HIVEP3: variants seen among roughly 807,000 people sequenced by gnomAD.
HIVEP3 encodes the protein HIVEP zinc finger 3, also known as transcription factor HIVEP3.
In HIVEP3, 49 loss-of-function variants were observed where a neutral mutation model predicts 152.8. The ratio of observed to expected loss-of-function variants is 0.32; its 90% CI spans 0.26 to 0.41. The LOEUF is 0.41. Among genes scored for constraint, HIVEP3 ranks in the 10% least tolerant of loss-of-function variants. HIVEP3 has a pLI of 1.00. For synonymous variants in HIVEP3, 1,269 were observed against 1,289.0 expected (o/e 0.98, Z 0.33); for missense variants, 2,790 against 3,103.3 (o/e 0.90, Z 2.40).
At chr1:41,833,452 T>C (rs1252000068) in intron 1 of HIVEP3, among the ~76,000 whole-genome samples, 1 of 152,138 alleles carries the variant, frequency 6.6e-6, no homozygotes, top group Non-Finnish European at 1.5e-5. Context: ...AAGAGGTTGA[T>C]ACTGTTCCTA....
chr1:41,646,811 CA>C (rs1334273453), intron 2 of HIVEP3, among the ~76,000 whole-genome samples: 2 of 152,172 alleles, frequency 1.3e-5, no homozygotes, highest in Admixed American at 1.3e-4. Flanking sequence ...TAAAACAACA[CA>C]AACTTATTAT....
rs572740749 is a variant in HIVEP3 at position 41,955,164 on chromosome 1, A to T, written n.120-36640T>A. 2.6e-5 allele frequency among the ~76,000 whole-genome samples: 4 copies of T among 152,336 alleles called. No individual in the cohort carries two copies. In the South Asian group the frequency reaches 8.3e-4, roughly 32 times the overall value. ...GTACTACAATGAAACCCATTTTACAACAGGGAGATCCAAGGGTGAAAGAAA... is the reference window on the plus strand; with the variant it reads ...GTACTACAATGAAACCCATTTTACATCAGGGAGATCCAAGGGTGAAAGAAA... On this transcript the variant is annotated intron_variant and non_coding_transcript_variant, in intron 1 of 3. Coordinates refer to the HIVEP3 transcript ENST00000489103.
intron 2 of HIVEP3, among the ~76,000 whole-genome samples, chr1:41,686,392 G>A (rs1221777733): frequency 5.3e-5 from 8 of 152,140 alleles, no homozygotes. Context: ...TATTTTCAAA[G>A]TCACCACTTA....
At chr1:41,670,109 T>C (rs889083903) in intron 2 of HIVEP3, among the ~76,000 whole-genome samples, 2 of 152,186 alleles carry the variant, frequency 1.3e-5, no homozygotes. Context: ...GCACTCAATA[T>C]GGGTCCTGGC....
intron 1 of HIVEP3, among the ~76,000 whole-genome samples, chr1:41,982,439 C>T (rs1047977616): frequency 6.6e-6 from 1 of 152,168 alleles, no homozygotes; most frequent in African/African-American, 2.4e-5. Context: ...TGAACAGCTA[C>T]AGCCACAGCA....
intron 1 of HIVEP3, among the ~76,000 whole-genome samples, chr1:41,939,173 T>G (rs1004612913): frequency 1.3e-5 from 2 of 152,216 alleles, no homozygotes; most frequent in African/African-American, 4.8e-5. Flanking sequence ...GTGATATATA[T>G]TTTTAATTCA....
intron 2 of HIVEP3, among the ~76,000 whole-genome samples, chr1:41,641,765 C>T (rs1365939657): frequency 6.6e-6 from 1 of 152,214 alleles, no homozygotes; most frequent in Non-Finnish European, 1.5e-5. Context: ...TGGGTCAACC[C>T]TCAGAGCCAC....
rs1278823904 is a variant in HIVEP3 at position 41,581,819 on chromosome 1, T to C, written c.2979A>G (p.Ser993=). The C allele has an allele frequency of 6.3e-7, 1 of 1,591,092 alleles. No individual in the cohort carries two copies. Residue 993 remains serine (S), a synonymous_variant, in exon 4 of 9, where the codon TCA becomes TCG. Transcript: ENST00000372583. This position sits in a 1 kb window ranked among gnomAD's most constrained non-coding sequence, Gnocchi z 4.5. ...PHAREMRRSA[S]EQSPNVSHSA... ...AATGGGAAACGTTGGGGCTCTGCTC[T>C]GAGGCTGACCTCCGCATCTCTCGGG...
chr1:41,838,724 C>A (rs995526588), intron 1 of HIVEP3, among the ~76,000 whole-genome samples: 1 of 152,140 alleles, frequency 6.6e-6, no homozygotes, highest in Non-Finnish European at 1.5e-5. Flanking sequence ...GTCAATAATA[C>A]CAGTATCAGG....
intron 1 of HIVEP3, among the ~76,000 whole-genome samples, chr1:41,775,530 G>A (rs1280075583): frequency 4.6e-5 from 7 of 151,974 alleles, no homozygotes; most frequent in African/African-American, 1.7e-4. Flanking sequence ...TTACTCTGTC[G>A]CCCAGGCTGG....
chr1:41,647,024 C>T (rs1282955902), intron 2 of HIVEP3, among the ~76,000 whole-genome samples: 2 of 152,194 alleles, frequency 1.3e-5, no homozygotes, highest in Non-Finnish European at 2.9e-5. Flanking sequence ...CACACTGCAA[C>T]CTCCTGGCAC....
intron 1 of HIVEP3, among the ~76,000 whole-genome samples, chr1:41,928,083 C>T (rs1256327846): frequency 2.3e-5 from 3 of 128,862 alleles, no homozygotes; most frequent in Admixed American, 2.3e-4. Context: ...AAAAAAAAGG[C>T]TTGTAAAAGC....
chr1:41,877,015 G>A (rs955637020), intron 1 of HIVEP3, among the ~76,000 whole-genome samples: 2 of 152,184 alleles, frequency 1.3e-5, no homozygotes, highest in African/African-American at 4.8e-5. Context: ...GAAGTGGGAA[G>A]GCCATGTGCA....
chr1:41,897,980 AGG>A (rs1644561038), intron 1 of HIVEP3, among the ~76,000 whole-genome samples: 2 of 115,960 alleles, frequency 1.7e-5, no homozygotes, highest in East Asian at 3.0e-4. Context: ...AGAGAGAGAG[AGG>A]TGCTGGGAGA....
At chr1:42,007,056 G>A (rs1229644628) in intron 1 of HIVEP3, among the ~76,000 whole-genome samples, 1 of 152,210 alleles carries the variant, frequency 6.6e-6, no homozygotes, top group East Asian at 1.9e-4. Flanking sequence ...AGAAGCTTCT[G>A]CCTAATCTGA....
Position 41,599,098 on chromosome 1 carries a change from T to C in HIVEP3, c.-521-13780A>G, listed in dbSNP as rs144701349. Among the ~76,000 whole-genome samples, 1,191 of 152,284 alleles carry C rather than the reference T, an allele frequency of 7.8e-3. 17 individuals are homozygous for C. Among genetic ancestry groups the C allele is most frequent in the African/African-American group, 0.027 (1,130 of 41,542 alleles). On this transcript the variant is annotated intron_variant, in intron 3 of 8. Transcript: ENST00000372583. ...TCCCAAAGTGTTAGAATTACAAGTG[T>C]GAGCCACCACACCCAGTCTCAGTCA...
intron 2 of HIVEP3, among the ~76,000 whole-genome samples, chr1:41,657,221 C>A (rs1209544346): frequency 6.6e-6 from 1 of 152,220 alleles, no homozygotes; most frequent in Non-Finnish European, 1.5e-5. Flanking sequence ...CCCCAATTGA[C>A]CCACACGGTG....
intron 1 of HIVEP3, among the ~76,000 whole-genome samples, chr1:41,925,855 C>T (rs1570816288): frequency 6.6e-6 from 1 of 152,174 alleles, no homozygotes; most frequent in African/African-American, 2.4e-5. Context: ...AACATGGCTA[C>T]CCAGCCAAAG....
intron 4 of HIVEP3, among the ~76,000 whole-genome samples, chr1:41,577,345 C>T (rs1644341758): frequency 6.6e-6 from 1 of 152,194 alleles, no homozygotes; most frequent in Non-Finnish European, 1.5e-5. Context: ...CCCTATTTTA[C>T]AGAGGATGAA....
Sources: gnomAD v4.1 joint callset for allele counts (sites outside exome capture counted in the v4.1 genomes callset) on GRCh38, gnomAD v4.1.1 for gene constraint, Gnocchi (gnomAD v3.1) non-coding constraint, MANE v1.5 for transcripts, NCBI Gene and HGNC (gene_info 2026-07-23, HGNC 2026-07-21) for gene names.